CASQ2: variants seen among roughly 807,000 people sequenced by gnomAD.
CASQ2 encodes calsequestrin-2.
Under a neutral mutation model 46.5 loss-of-function variants are expected in CASQ2, and 49 were observed. The observed-to-expected ratio is 1.05, with a 90% CI of 0.84 to 1.34. The LOEUF (loss-of-function observed/expected upper bound fraction) is 1.34. Ranked by LOEUF, CASQ2 falls within the 40% of genes most tolerant of loss-of-function variation. The probability of loss-of-function intolerance (pLI) is 0.00; values close to 1 mark genes in which losing one functional copy is unlikely to be tolerated. For missense variants in CASQ2, 486 were observed against 481.3 expected, an observed-to-expected ratio of 1.01 and a Z score of -0.09; for synonymous variants, 174 against 168.5, an observed-to-expected ratio of 1.03 and a Z score of -0.25.
At chr1:115,708,657 A>T (rs1189014588) in intron 8 of CASQ2, among the ~76,000 whole-genome samples, 2 of 152,248 alleles carry the variant, frequency 1.3e-5, no homozygotes, top group African/African-American at 2.4e-5. Context: ...AGTGCCTGGC[A>T]TATAGTAAGG....
At chr1:115,741,179 A>G (rs1044863129) in intron 2 of CASQ2, among the ~76,000 whole-genome samples, 4 of 152,194 alleles carry the variant, frequency 2.6e-5, no homozygotes, top group Admixed American at 2.6e-4. Flanking sequence ...ACCTTGCTTT[A>G]AAGTCCCTCC....
chr1:115,768,267 T>C, intron 1 of CASQ2, 41 bp downstream of exon 1: 1 of 1,309,512 alleles, frequency 7.6e-7, no homozygotes, highest in Non-Finnish European at 1.1e-6. Flanking sequence ...CCTCGGCACC[T>C]CACTGAGGCA....
In CASQ2 at chr1:115,705,244, G is replaced by C; in HGVS notation, c.887C>G (p.Thr296Ser). ...CAGGATGCTCAGATCGGGGTTGTCA[G>C]TATTGTCCCGGGCAACCTGTTTCAG... is the stretch of plus-strand genomic sequence containing the variant. The part of the protein sequence containing the change: ...EILKQVARDN[T>S]DNPDLSILWI... Residue 296 changes from threonine (T) to serine (S), a missense_variant, in exon 9 of 11, where the codon ACT becomes AGT. Physicochemically the swap from Thr to Ser is moderately conservative, Grantham distance 58. Coordinates refer to ENST00000261448, the MANE Select transcript of CASQ2 (RefSeq NM_001232.4). The C allele has an allele frequency of 6.2e-7, 1 of 1,614,138 alleles. No homozygotes were observed. Among genetic ancestry groups the C allele is most frequent in the Non-Finnish European group, 8.5e-7 (1 of 1,179,946 alleles).
chr1:115,735,846 A>G (rs1647936116), intron 4 of CASQ2, among the ~76,000 whole-genome samples: 1 of 152,204 alleles, frequency 6.6e-6, no homozygotes, highest in Non-Finnish European at 1.5e-5. Flanking sequence ...GTCCAATGGC[A>G]AAAAAAGAAA....
chr1:115,738,199 C>T (rs527900203), intron 4 of CASQ2, 25 bp downstream of exon 4: 33 of 1,373,744 alleles, frequency 2.4e-5, no homozygotes, highest in South Asian at 1.4e-4. Context: ...TTAGACTGAT[C>T]GGCTGGGGTT....
intron 8 of CASQ2, among the ~76,000 whole-genome samples, chr1:115,711,261 T>A (rs1654534910): frequency 6.6e-6 from 1 of 151,908 alleles, no homozygotes; most frequent in South Asian, 2.1e-4. Context: ...GCTCTTAAAG[T>A]GGGGTCCTGC....
intron 7 of CASQ2, among the ~76,000 whole-genome samples, chr1:115,722,151 G>T (rs949306264): frequency 1.6e-4 from 24 of 152,148 alleles, no homozygotes; most frequent in Admixed American, 5.9e-4. Context: ...GTCTGGTTAG[G>T]GTTCCTGGGT....
rs1350273999 is a variant in CASQ2, at chr1:115,705,228, C to T, written c.903G>A (p.Leu301=). The change falls in exon 9 of 11, where the codon CTG becomes CTA. Residue 301 remains leucine (L), a synonymous_variant. Coordinates refer to ENST00000261448, the MANE Select transcript of CASQ2 (RefSeq NM_001232.4). ...VARDNTDNPD[L]SILWIDPDDF... is the part of the protein sequence containing the mutation. ...CGTCCGGGTCGATCCACAGGATGCT[C>T]AGATCGGGGTTGTCAGTATTGTCCC... 1.5e-5 allele frequency: 25 copies of T among 1,613,888 alleles called. No individual in the cohort carries two copies. The highest frequency in any genetic ancestry group is 2.1e-5 in the Non-Finnish European group (25 of 1,179,836).
In CASQ2 at chr1:115,741,990, C is replaced by T. The variant is rs76148599; in HGVS notation, c.320-1162G>A. Among the ~76,000 whole-genome samples, 340 of 152,144 alleles carry T rather than the reference C, an allele frequency of 2.2e-3. 1 individual carries two copies. The highest frequency in any genetic ancestry group is 7.6e-3 in the African/African-American group (314 of 41,518). ...GTATAAGCAGCCTCTGGCACATGGG[C>T]GGGAAATGGTAGAGGCACCATTTGT... On this transcript the variant is annotated intron_variant, in intron 2 of 10. Coordinates refer to ENST00000261448, the MANE Select transcript of CASQ2 (RefSeq NM_001232.4).
At chr1:115,760,946 C>G (rs1648914463) in intron 1 of CASQ2, among the ~76,000 whole-genome samples, 1 of 152,106 alleles carries the variant, frequency 6.6e-6, no homozygotes, top group African/African-American at 2.4e-5. Context: ...CTCTTTTATA[C>G]CTTCTTATAA....
chr1:115,747,671 C>T (rs185113464), intron 1 of CASQ2, among the ~76,000 whole-genome samples: 4 of 152,272 alleles, frequency 2.6e-5, no homozygotes, highest in Admixed American at 2.0e-4. Context: ...TAGTTTTCAG[C>T]CTACAAGTCT....
intron 2 of CASQ2, among the ~76,000 whole-genome samples, chr1:115,742,365 T>C (rs1648217522): frequency 6.6e-6 from 1 of 152,166 alleles, no homozygotes; most frequent in Non-Finnish European, 1.5e-5. Flanking sequence ...GATTTTGTCT[T>C]GAGCAAAACC....
chr1:115,731,012 C>T (rs997997783), intron 5 of CASQ2, among the ~76,000 whole-genome samples: 6 of 152,168 alleles, frequency 3.9e-5, no homozygotes, highest in Non-Finnish European at 7.3e-5. Context: ...TTGGACACCC[C>T]CTCCACCCCA....
intron 2 of CASQ2, among the ~76,000 whole-genome samples, chr1:115,741,462 C>T (rs1235640806): frequency 1.3e-5 from 2 of 152,242 alleles, no homozygotes; most frequent in Non-Finnish European, 2.9e-5. Flanking sequence ...TCTCACTGAA[C>T]TCATGCCATT....
chr1:115,725,363 A>C, intron 7 of CASQ2, 145 bp downstream of exon 7: 1 of 947,806 alleles, frequency 1.1e-6, no homozygotes, highest in South Asian at 1.3e-5. Context: ...CGTCGTACCC[A>C]ATCTGTCCAT....
At chr1:115,726,528 C>T (rs1407376382) in intron 6 of CASQ2, among the ~76,000 whole-genome samples, 1 of 152,208 alleles carries the variant, frequency 6.6e-6, no homozygotes, top group Non-Finnish European at 1.5e-5. Flanking sequence ...GCATTTCTCT[C>T]CCAGAAGTTC....
At chr1:115,733,074 T>C (rs1647843580) in intron 4 of CASQ2, 100 bp from the exon 5 acceptor site, 4 of 773,602 alleles carry the variant, frequency 5.2e-6, no homozygotes, top group Non-Finnish European at 8.9e-6. Flanking sequence ...CAATTAATCC[T>C]GATTGGATAA....
intron 7 of CASQ2, among the ~76,000 whole-genome samples, chr1:115,720,248 C>G (rs148626872): frequency 6.6e-6 from 1 of 151,998 alleles, no homozygotes; most frequent in Non-Finnish European, 1.5e-5. Flanking sequence ...GTCAAGGCGC[C>G]GGCAGATTTG....
chr1:115,718,921 C>T (rs1647267279), intron 7 of CASQ2, among the ~76,000 whole-genome samples: 1 of 152,004 alleles, frequency 6.6e-6, no homozygotes, highest in African/African-American at 2.4e-5. Flanking sequence ...AAAGAGGCAC[C>T]TGGGGACAAG....
Sources: allele counts gnomAD v4.1 joint callset (sites outside exome capture counted in the v4.1 genomes callset), GRCh38; gene constraint gnomAD v4.1.1; transcripts MANE v1.5; gene names NCBI Gene and HGNC (gene_info 2026-07-23, HGNC 2026-07-21).